Variants in POFUT3 observed in about 807,000 individuals in gnomAD.
The protein encoded by POFUT3 is protein O-fucosyltransferase 3.
chr8:33,352,069 C>T, the POFUT3 span, among the ~76,000 whole-genome samples: 5 of 152,116 alleles, frequency 3.3e-5, no homozygotes, highest in Non-Finnish European at 7.4e-5. Context: ...GTGTGTTGAA[C>T]GGCTCTGTCA....
At chr8:33,446,132 G>C in the POFUT3 span, among the ~76,000 whole-genome samples, 12 of 152,118 alleles carry the variant, frequency 7.9e-5, no homozygotes, top group Non-Finnish European at 1.3e-4. Flanking sequence ...CCTTCCAGTG[G>C]GGAAGGGGTC....
At chr8:33,369,183 A>G in the POFUT3 span, among the ~76,000 whole-genome samples, 1 of 152,242 alleles carries the variant, frequency 6.6e-6, no homozygotes, top group Non-Finnish European at 1.5e-5. Flanking sequence ...GCTCATCACA[A>G]TAACCTCACA....
the POFUT3 span, among the ~76,000 whole-genome samples, chr8:33,367,876 T>C: frequency 1.5e-4 from 22 of 146,806 alleles, no homozygotes; most frequent in Admixed American, 1.4e-3. Context: ...TTAAATATAA[T>C]TACTTTCATA....
chr8:33,434,044 A>T, the POFUT3 span, among the ~76,000 whole-genome samples: 1 of 151,440 alleles, frequency 6.6e-6, no homozygotes, highest in Non-Finnish European at 1.5e-5. Context: ...CAGGCAGATC[A>T]TGAGGTCAGA....
At chr8:33,349,931 C>A in the POFUT3 span, among the ~76,000 whole-genome samples, 1 of 152,064 alleles carries the variant, frequency 6.6e-6, no homozygotes, top group Non-Finnish European at 1.5e-5. Flanking sequence ...TTCACCACAC[C>A]CCCATTAACA....
the POFUT3 span, chr8:33,436,432 G>T: frequency 6.9e-7 from 1 of 1,443,472 alleles, no homozygotes; most frequent in Non-Finnish European, 9.7e-7. Flanking sequence ...CTCCTTATTG[G>T]TACAGGTGGG....
At chr8:33,382,312 A>G in the POFUT3 span, among the ~76,000 whole-genome samples, 6 of 152,100 alleles carry the variant, frequency 3.9e-5, no homozygotes, top group Non-Finnish European at 7.4e-5. Flanking sequence ...TCAAATGGAG[A>G]TTTCCAAATA....
At chr8:33,460,077 C>A in the POFUT3 span, among the ~76,000 whole-genome samples, 1 of 152,200 alleles carries the variant, frequency 6.6e-6, no homozygotes, top group South Asian at 2.1e-4. Context: ...GTAATCCCAG[C>A]TACTTGGGAG....
the POFUT3 span, chr8:33,371,101 A>T: frequency 6.6e-6 from 1 of 152,188 alleles, no homozygotes; most frequent in South Asian, 2.1e-4. Flanking sequence ...GAAAAAAAAG[A>T]AAAAAACCTT....
the POFUT3 span, among the ~76,000 whole-genome samples, chr8:33,395,148 TG>T: frequency 6.6e-6 from 1 of 152,158 alleles, no homozygotes; most frequent in Non-Finnish European, 1.5e-5. Context: ...AGGGAAATAC[TG>T]GGTAGAAGAG....
At chr8:33,400,154 T>TG in the POFUT3 span, among the ~76,000 whole-genome samples, 14 of 89,568 alleles carry the variant, frequency 1.6e-4, no homozygotes, top group African/African-American at 4.9e-4. Context: ...AAAAAGATGG[T>TG]GGGGGGGTGG....
the POFUT3 span, among the ~76,000 whole-genome samples, chr8:33,317,801 TCC>T: frequency 6.6e-6 from 1 of 152,014 alleles, no homozygotes; most frequent in Non-Finnish European, 1.5e-5. Flanking sequence ...CATCAAGCTG[TCC>T]CTCCGCGCCT....
chr8:33,394,375 T>C, the POFUT3 span: 1 of 156,824 alleles, frequency 6.4e-6, no homozygotes. Context: ...AACCACTCAT[T>C]TCCTCTTCTT....
chr8:33,449,017 G>C, the POFUT3 span, among the ~76,000 whole-genome samples: 1 of 152,122 alleles, frequency 6.6e-6, no homozygotes, highest in Admixed American at 6.6e-5. Flanking sequence ...GTGGGTGGGA[G>C]GAGGAACAAA....
At chr8:33,424,826 A>C in the POFUT3 span, among the ~76,000 whole-genome samples, 7 of 152,148 alleles carry the variant, frequency 4.6e-5, no homozygotes, top group Non-Finnish European at 8.8e-5. Context: ...GGAACAGGCC[A>C]CTGCTCTTGC....
the POFUT3 span, among the ~76,000 whole-genome samples, chr8:33,404,890 C>A: frequency 5.9e-5 from 9 of 151,836 alleles, no homozygotes; most frequent in Non-Finnish European, 1.5e-5. Context: ...AGTTTCATCA[C>A]AACAACAACA....
chr8:33,311,344 A>T, the POFUT3 span, among the ~76,000 whole-genome samples: 1 of 152,232 alleles, frequency 6.6e-6, no homozygotes, highest in African/African-American at 2.4e-5. Flanking sequence ...TATTTGAAGT[A>T]TCTAGCATGT....
chr8:33,394,401 G>A, the POFUT3 span: 47 of 156,638 alleles, frequency 3.0e-4, no homozygotes, highest in African/African-American at 9.9e-4. Flanking sequence ...GAGTGAGGGT[G>A]GAAGTTCACT....
the POFUT3 span, chr8:33,388,865 A>C: frequency 1.1e-6 from 1 of 932,138 alleles, no homozygotes; most frequent in Non-Finnish European, 1.7e-6. Context: ...GGAATGAAGA[A>C]CACTGATGAG....
Sources: allele counts gnomAD v4.1 joint callset (sites outside exome capture counted in the v4.1 genomes callset), GRCh38; gene constraint gnomAD v4.1.1; transcripts MANE v1.5; gene names NCBI Gene and HGNC (gene_info 2026-07-23, HGNC 2026-07-21).